The following TCF4 variants were observed in gnomAD, a reference collection of about 807,000 sequenced individuals.
TCF4 encodes the protein transcription factor 4, also known as SL3-3 enhancer factor 2.
TCF4 carries 3 observed loss-of-function variants against 82.1 expected under a neutral mutation model. The observed-to-expected ratio is 0.04, with a 90% confidence interval of 0.02 to 0.09. The LOEUF (loss-of-function observed/expected upper bound fraction) is 0.09. Ranked by LOEUF, TCF4 falls within the 10% of genes least tolerant of loss-of-function variation. TCF4 has a pLI of 1.00. For missense variants in TCF4, 518 were observed against 852.7 expected, an observed-to-expected ratio of 0.61 and a Z score of 4.89; for synonymous variants, 276 against 309.6, an observed-to-expected ratio of 0.89 and a Z score of 1.14.
At chr18:55,603,700 A>G (rs1227549796) in intron 2 of TCF4, among the ~76,000 whole-genome samples, 1 of 152,162 alleles carries the variant, frequency 6.6e-6, no homozygotes, top group Non-Finnish European at 1.5e-5. Context: ...TGGTTAACCC[A>G]TTTAGAAGAG....
chr18:55,501,788 G>A (rs900006186), intron 3 of TCF4, among the ~76,000 whole-genome samples: 7 of 151,932 alleles, frequency 4.6e-5, no homozygotes, highest in Non-Finnish European at 5.9e-5. Flanking sequence ...TGATTCCACC[G>A]CATCCCCATA....
chr18:55,588,361 C>T (rs1603624947), upstream of TCF4: 3 of 1,499,502 alleles, frequency 2.0e-6, no homozygotes, highest in Non-Finnish European at 2.7e-6. Flanking sequence ...TGCTCCGGGT[C>T]GGGCAGGCTA....
chr18:55,293,770 G>A (rs1354684983), intron 8 of TCF4, among the ~76,000 whole-genome samples: 1 of 151,990 alleles, frequency 6.6e-6, no homozygotes, highest in African/African-American at 2.4e-5. Context: ...TAAACAGAAA[G>A]TTTCTTGACA....
chr18:55,547,088 C>CT (rs1158030944), intron 3 of TCF4, among the ~76,000 whole-genome samples: 2 of 152,250 alleles, frequency 1.3e-5, no homozygotes, highest in African/African-American at 4.8e-5. Flanking sequence ...GTCACCAGTA[C>CT]TTTAAAACAG....
At chr18:55,272,120 T>G (rs968521748) in intron 10 of TCF4, among the ~76,000 whole-genome samples, 2 of 152,112 alleles carry the variant, frequency 1.3e-5, no homozygotes, top group African/African-American at 2.4e-5. Flanking sequence ...AATTTGGGAT[T>G]TGACAAAGGG....
At chr18:55,404,254 C>T (rs2093977935) in intron 5 of TCF4, 1 of 162,084 alleles carries the variant, frequency 6.2e-6, no homozygotes, top group African/African-American at 2.4e-5. Context: ...TATTCGGCCA[C>T]ATCTAAGAAT....
intron 6 of TCF4, among the ~76,000 whole-genome samples, chr18:55,369,816 G>C (rs1475594403): frequency 6.6e-6 from 1 of 152,134 alleles, no homozygotes; most frequent in East Asian, 1.9e-4. Flanking sequence ...TACTAAACCG[G>C]GTTCTTTAGC....
At chr18:55,501,879 C>T (rs1472507853) in intron 3 of TCF4, among the ~76,000 whole-genome samples, 1 of 152,086 alleles carries the variant, frequency 6.6e-6, no homozygotes, top group Non-Finnish European at 1.5e-5. Context: ...GTGTGAGCAA[C>T]CCCATCCAGA....
chr18:55,289,683 GA>G (rs2064559899), intron 8 of TCF4, among the ~76,000 whole-genome samples: 1 of 152,122 alleles, frequency 6.6e-6, no homozygotes, highest in African/African-American at 2.4e-5. Context: ...TGTGACCTCT[GA>G]AAGCACTGTT....
chr18:55,375,297 TACAC>T (rs959130982), intron 6 of TCF4, among the ~76,000 whole-genome samples: 1 of 152,064 alleles, frequency 6.6e-6, no homozygotes, highest in African/African-American at 2.4e-5. Flanking sequence ...TTAAAGTTTA[TACAC>T]ACACATGCAC....
At chr18:55,478,552 C>T (rs1227054708) in intron 3 of TCF4, among the ~76,000 whole-genome samples, 1 of 152,076 alleles carries the variant, frequency 6.6e-6, no homozygotes, top group Non-Finnish European at 1.5e-5. Context: ...AAGTGGTACA[C>T]AAAAGAAACC....
rs1005533872 is a variant in TCF4 at position 55,224,007 on chromosome 18, C to T, written c.*4028G>A. 2 of 151,292 alleles carry T rather than the reference C, an allele frequency of 1.3e-5. No individual in the cohort carries two copies. The highest frequency in any genetic ancestry group is 4.9e-5 in the African/African-American group (2 of 41,230). 9.4% of individuals were successfully genotyped at this position (151,292 alleles called of 1,614,324 possible). A position where few individuals can be genotyped will look rare whatever the true frequency, so the allele number is the denominator to read the frequency against. On this transcript the variant is annotated 3_prime_UTR_variant, in exon 20 of 20. Coordinates refer to ENST00000354452, the MANE Select transcript of TCF4 (RefSeq NM_001083962.2). ...TAATATTCATGGTATAAAAGGATTG[C>T]TCCTGCGAAAAATAAGCCAAATATA...
chr18:55,252,468 C>A (rs375316693), intron 15 of TCF4, among the ~76,000 whole-genome samples: 1 of 151,950 alleles, frequency 6.6e-6, no homozygotes, highest in East Asian at 1.9e-4. Context: ...GTCTCACTTT[C>A]GGTTCTACTG....
At chr18:55,277,602 A>ATTTTTTTT (rs11292069) in intron 9 of TCF4, among the ~76,000 whole-genome samples, 2 of 122,246 alleles carry the variant, frequency 1.6e-5, no homozygotes, top group Non-Finnish European at 1.8e-5. Flanking sequence ...TGTCAACTCA[A>ATTTTTTTT]TTTTTTTTTT....
intron 2 of TCF4, chr18:55,596,244 C>G (rs1411564979): frequency 3.1e-6 from 1 of 319,178 alleles, no homozygotes; most frequent in African/African-American, 2.3e-5. Context: ...AAAATCAGCA[C>G]ATGGAAATCT....
At chr18:55,277,935 T>C (rs1038906210) in intron 9 of TCF4, among the ~76,000 whole-genome samples, 8 of 152,304 alleles carry the variant, frequency 5.3e-5, no homozygotes, top group Non-Finnish European at 1.0e-4. Context: ...ATTAGCTTTT[T>C]GTCACGGCAC....
At chr18:55,431,075 G>C (rs921548449) in intron 5 of TCF4, among the ~76,000 whole-genome samples, 1 of 152,158 alleles carries the variant, frequency 6.6e-6, no homozygotes, top group Admixed American at 6.5e-5. Context: ...GTTAGAAGAA[G>C]CTGAAAGATG....
intron 3 of TCF4, among the ~76,000 whole-genome samples, chr18:55,513,595 T>A (rs760251431): frequency 4.6e-5 from 7 of 152,178 alleles, no homozygotes; most frequent in Non-Finnish European, 8.8e-5. Context: ...AGCTACCATT[T>A]AGACTACAAA....
chr18:55,603,905 TG>T (rs954825676), intron 2 of TCF4, among the ~76,000 whole-genome samples: 2 of 152,162 alleles, frequency 1.3e-5, no homozygotes, highest in African/African-American at 4.8e-5. Flanking sequence ...AATAGCTCTA[TG>T]GTCCTCCTAT....
Sources: gnomAD v4.1 joint callset for allele counts (sites outside exome capture counted in the v4.1 genomes callset) on GRCh38, gnomAD v4.1.1 for gene constraint, MANE v1.5 for transcripts, NCBI Gene and HGNC (gene_info 2026-07-23, HGNC 2026-07-21) for gene names.